Variants in STRIP1 observed in about 807,000 individuals in gnomAD.
The protein encoded by STRIP1 is striatin interacting protein 1.
STRIP1 carries 63 observed loss-of-function variants against 106.2 expected under a neutral mutation model. The ratio of observed to expected loss-of-function variants is 0.59; its 90% confidence interval spans 0.48 to 0.73. The LOEUF (loss-of-function observed/expected upper bound fraction) is 0.73, where lower values mean the gene tolerates loss of function less well. Ranked by LOEUF, STRIP1 falls within the 30% of genes least tolerant of loss-of-function variation. The pLI is 0.00. For synonymous variants in STRIP1, 390 were observed against 413.0 expected, an observed-to-expected ratio of 0.94 and a Z score of 0.67; for missense variants, 857 against 1,074.8, an observed-to-expected ratio of 0.80 and a Z score of 2.83.
intron 15 of STRIP1, 80 bp downstream of exon 15, chr1:110,047,949 GTTGT>G (rs1653110418): frequency 8.0e-7 from 1 of 1,245,552 alleles, no homozygotes; most frequent in Admixed American, 2.0e-5. Flanking sequence ...TGTCAGGTTG[GTTGT>G]TGTTGGCCCA....
chr1:110,047,904 A>G (rs1490277964), intron 15 of STRIP1, 35 bp downstream of exon 15: 1 of 1,511,304 alleles, frequency 6.6e-7, no homozygotes, highest in Non-Finnish European at 9.0e-7. Flanking sequence ...CAGGTGGGGC[A>G]GAAGATAGAT....
At chr1:110,039,963 A>G (rs1472455050) in intron 5 of STRIP1, 2 of 1,179,568 alleles carry the variant, frequency 1.7e-6, no homozygotes, top group Admixed American at 4.6e-5. Context: ...TCTAAGGATA[A>G]CACCATCAAT....
chr1:110,042,391 C>G (rs72687301), intron 8 of STRIP1, among the ~76,000 whole-genome samples: 4,643 of 152,254 alleles, frequency 0.03, 98 homozygotes, highest in Non-Finnish European at 0.044. Context: ...AGGAGGCCTT[C>G]CCAGGAGGAG....
intron 6 of STRIP1, 110 bp downstream of exon 6, chr1:110,040,813 T>TGCAGATGATGTGTA: frequency 8.2e-6 from 7 of 854,684 alleles, no homozygotes; most frequent in Non-Finnish European, 1.1e-5. Context: ...TCTGTACACA[T>TGCAGATGATGTGTA]CATCTGCATG....
chr1:110,040,746 G>C, intron 6 of STRIP1, 43 bp downstream of exon 6: 2 of 1,555,388 alleles, frequency 1.3e-6, no homozygotes, highest in Non-Finnish European at 1.7e-6. Flanking sequence ...GTTAGTCAGA[G>C]ATGAGATCAG....
At chr1:110,044,654 T>C (rs1652930707) in intron 10 of STRIP1, among the ~76,000 whole-genome samples, 186 bp from the exon 11 acceptor site, 1 of 152,206 alleles carries the variant, frequency 6.6e-6, no homozygotes, top group Admixed American at 6.5e-5. Flanking sequence ...TCCAGCAAAA[T>C]TATAAGAAAC....
chr1:110,035,280 A>G (rs538999973), intron 1 of STRIP1, among the ~76,000 whole-genome samples: 1 of 152,270 alleles, frequency 6.6e-6, no homozygotes, highest in Admixed American at 6.5e-5. Flanking sequence ...TGGGCAGGGA[A>G]GGCGCCGGCG....
chr1:110,049,335 C>A, intron 16 of STRIP1, 97 bp downstream of exon 16: 1 of 1,584,230 alleles, frequency 6.3e-7, no homozygotes. Context: ...CTTTGACCCA[C>A]TTGAACTCTG....
At chr1:110,036,765 G>A (rs1010618175) in intron 1 of STRIP1, among the ~76,000 whole-genome samples, 3 of 152,166 alleles carry the variant, frequency 2.0e-5, no homozygotes, top group African/African-American at 7.2e-5. Context: ...TTGTGAAAGT[G>A]TACACTGTGT....
intron 12 of STRIP1, among the ~76,000 whole-genome samples, chr1:110,045,729 G>C (rs892930617): frequency 6.6e-6 from 1 of 152,188 alleles, no homozygotes; most frequent in Non-Finnish European, 1.5e-5. Flanking sequence ...GTCCCAGGCA[G>C]TGTGGGGAGG....
chr1:110,051,859 GCTGAACGACGA>G lies in STRIP1; in HGVS notation c.2242_2252del (p.Asn748GlyfsTer5), dbSNP rs1653317409. 3 of 1,612,712 alleles carry G rather than the reference GCTGAACGACGA, an allele frequency of 1.9e-6. No individual in the cohort carries two copies. Among genetic ancestry groups the G allele is most frequent in the Non-Finnish European group, 2.5e-6 (3 of 1,179,916 alleles). On this transcript the variant is annotated frameshift_variant, in exon 20 of 21. Coordinates refer to ENST00000369795, the MANE Select transcript of STRIP1 (RefSeq NM_033088.4). LOFTEE classifies it high-confidence loss of function. ...CCATCTACCAGAAGGTGCGGCATCGGCTGAACGACGACTGGGCATACGGCAATGGTGAGACT... is the reference window on the plus strand; with the variant it reads ...CCATCTACCAGAAGGTGCGGCATCGGCTGGGCATACGGCAATGGTGAGACT...
intron 20 of STRIP1, 105 bp from the exon 21 acceptor site, chr1:110,053,560 A>T: frequency 6.8e-7 from 1 of 1,472,766 alleles, no homozygotes; most frequent in East Asian, 2.3e-5. Flanking sequence ...ATGAGCTCGG[A>T]GGTATCCTGC....
chr1:110,051,546 ACT>A, intron 19 of STRIP1, 135 bp from the exon 20 acceptor site: 1 of 829,088 alleles, frequency 1.2e-6, no homozygotes, highest in South Asian at 1.7e-5. Context: ...GTATCAGGAA[ACT>A]CTTCAGTCCA....
Position 110,050,333 on chromosome 1 carries a change from C to T in STRIP1, c.1890-10C>T, listed in dbSNP as rs1653235459. The T allele has an allele frequency of 1.2e-6, 2 of 1,613,958 alleles. No individual in the cohort carries two copies. Among genetic ancestry groups the T allele is most frequent in the Admixed American group, 1.7e-5 (1 of 60,002 alleles). On this transcript the variant is annotated splice_polypyrimidine_tract_variant and intron_variant, in intron 17 of 20. Coordinates refer to ENST00000369795, the MANE Select transcript of STRIP1 (RefSeq NM_033088.4). Reference sequence around the variant, plus strand: ...TCATGGTGGGCATCTGGTTCCTCTCCCCTCTGCAGCATTTCTGTCCTGGAT... The same window carrying T: ...TCATGGTGGGCATCTGGTTCCTCTCTCCTCTGCAGCATTTCTGTCCTGGAT...
chr1:110,050,455 A>C, intron 18 of STRIP1, 46 bp downstream of exon 18: 1 of 1,568,770 alleles, frequency 6.4e-7, no homozygotes, highest in South Asian at 1.1e-5. Context: ...CACCAGGGTC[A>C]GTGGGTAGAG....
chr1:110,047,190 C>T (rs907840495), intron 13 of STRIP1, among the ~76,000 whole-genome samples: 2 of 152,158 alleles, frequency 1.3e-5, no homozygotes, highest in African/African-American at 4.8e-5. Context: ...GGCTGAGACA[C>T]GTCTAGTGCA....
At chr1:110,035,702 GA>G (rs1652420606) in intron 1 of STRIP1, among the ~76,000 whole-genome samples, 1 of 152,118 alleles carries the variant, frequency 6.6e-6, no homozygotes, top group Non-Finnish European at 1.5e-5. Context: ...CTCCTAGATT[GA>G]TCAGCAGCCA....
chr1:110,044,734 C>G, intron 10 of STRIP1, 106 bp from the exon 11 acceptor site: 1 of 1,074,634 alleles, frequency 9.3e-7, no homozygotes, highest in Non-Finnish European at 1.4e-6. Flanking sequence ...GGAGACTTCT[C>G]CTGGCTTCAC....
chr1:110,034,563 T>C, upstream of STRIP1: 1 of 1,439,218 alleles, frequency 6.9e-7, no homozygotes, highest in Non-Finnish European at 9.1e-7. Context: ...CAGGGAAATT[T>C]CCTGGAGAAA....
Sources: allele counts gnomAD v4.1 joint callset (sites outside exome capture counted in the v4.1 genomes callset), GRCh38; gene constraint gnomAD v4.1.1; transcripts MANE v1.5; gene names NCBI Gene and HGNC (gene_info 2026-07-23, HGNC 2026-07-21).